The following CLYBL variants were observed in gnomAD, a reference collection of about 807,000 sequenced individuals.
CLYBL encodes citramalyl-CoA lyase.
CLYBL carries 31 observed loss-of-function variants against 38.9 expected under a neutral mutation model. That is an observed-to-expected ratio of 0.80 (90% CI 0.60 to 1.08). The LOEUF (loss-of-function observed/expected upper bound fraction) is 1.08. Ranked by LOEUF, CLYBL falls within the 50% of genes least tolerant of loss-of-function variation. The pLI is 0.00. For missense variants in CLYBL, 434 were observed against 411.6 expected, an observed-to-expected ratio of 1.05 and a Z score of -0.47; for synonymous variants, 171 against 158.6, an observed-to-expected ratio of 1.08 and a Z score of -0.59.
intron 1 of CLYBL, among the ~76,000 whole-genome samples, chr13:99,751,553 C>G (rs983306348): frequency 1.3e-5 from 2 of 152,134 alleles, no homozygotes; most frequent in Admixed American, 1.3e-4. Context: ...GTGAAATAAA[C>G]CAGTCACAAA....
chr13:99,697,887 AT>A (rs1340140330), intron 1 of CLYBL, among the ~76,000 whole-genome samples: 6 of 152,046 alleles, frequency 3.9e-5, no homozygotes, highest in Admixed American at 3.9e-4. Context: ...ACCTCAAGTG[AT>A]TCATTTGTCT....
At position 99,862,008 on chromosome 13, in the gene CLYBL, T is replaced by C. The variant is rs539033268; in HGVS notation, c.439-983T>C. On this transcript the variant is annotated intron_variant, in intron 3 of 8. Transcript: ENST00000339105. Reference sequence around the variant, plus strand: ...TGATTACAGTACAAAGCTTATAGGGTCTTGAAACCCCCTTTGAAGATGAAA... The same window carrying C: ...TGATTACAGTACAAAGCTTATAGGGCCTTGAAACCCCCTTTGAAGATGAAA... Among the ~76,000 whole-genome samples, 12 of 152,226 alleles carry C rather than the reference T, an allele frequency of 7.9e-5. No homozygotes were observed. In the South Asian group the frequency reaches 2.5e-3, roughly 32 times the overall value.
chr13:99,663,250 CAG>C (rs1463904029), intron 1 of CLYBL, among the ~76,000 whole-genome samples: 5 of 152,312 alleles, frequency 3.3e-5, no homozygotes, highest in South Asian at 2.1e-4. Flanking sequence ...CTGGAGCAAA[CAG>C]GGCGCCGTTT....
chr13:99,811,537 G>A (rs942720495), intron 2 of CLYBL, among the ~76,000 whole-genome samples: 1 of 152,162 alleles, frequency 6.6e-6, no homozygotes. Flanking sequence ...ATGAGAAGGA[G>A]GAAGCTGAGA....
At chr13:99,890,974 A>G (rs1281421450) in intron 7 of CLYBL, among the ~76,000 whole-genome samples, 3 of 152,184 alleles carry the variant, frequency 2.0e-5, no homozygotes, top group African/African-American at 7.2e-5. Context: ...TCTTGCTTTT[A>G]AAGTTCTACA....
At chr13:99,671,756 G>T (rs1455490104) in intron 1 of CLYBL, among the ~76,000 whole-genome samples, 2 of 149,488 alleles carry the variant, frequency 1.3e-5, no homozygotes, top group African/African-American at 5.0e-5. Context: ...CTCCAGCTTG[G>T]GTGACACAGC....
intron 1 of CLYBL, among the ~76,000 whole-genome samples, chr13:99,650,745 GCT>G: frequency 6.6e-6 from 1 of 152,238 alleles, no homozygotes; most frequent in Admixed American, 6.5e-5. Context: ...AGCCATTGTG[GCT>G]CTTTTTTTCT....
chr13:99,699,324 G>A (rs2048026041), intron 1 of CLYBL, among the ~76,000 whole-genome samples: 1 of 152,130 alleles, frequency 6.6e-6, no homozygotes, highest in Non-Finnish European at 1.5e-5. Context: ...GGTGGAGGTT[G>A]TGGTAAGCTG....
intron 1 of CLYBL, among the ~76,000 whole-genome samples, chr13:99,723,448 T>C (rs1026661269): frequency 6.6e-6 from 1 of 152,252 alleles, no homozygotes; most frequent in African/African-American, 2.4e-5. Flanking sequence ...ACAAACAGTA[T>C]CTTCTTGGCA....
intron 1 of CLYBL, among the ~76,000 whole-genome samples, chr13:99,737,517 T>C (rs747210427): frequency 3.9e-5 from 6 of 152,232 alleles, no homozygotes; most frequent in Non-Finnish European, 7.3e-5. Context: ...TGCTCTTCAC[T>C]GTTAGGCTTT....
rs12873611 is a variant in CLYBL at position 99,606,724 on chromosome 13, C to A, written c.29C>A (p.Ala10Glu). The A allele has an allele frequency of 6.7e-7, 1 of 1,490,238 alleles. No individual in the cohort carries two copies. The highest frequency in any genetic ancestry group is 8.9e-7 in the Non-Finnish European group (1 of 1,126,328). The allele number at this position is 1,490,238 out of a possible 1,614,324, so 92.3% of individuals were successfully genotyped here. ...GCGCTACGTCTGCTGCGGAGGGCGG[C>A]GCGCGGAGCTGCGGCGGCGGCGCTG... is the stretch of plus-strand genomic sequence containing the variant. MALRLLRRAARGAAAAALLR... is the reference protein window; with the variant it reads MALRLLRRAERGAAAAALLR... Residue 10 changes from alanine to glutamate, a missense_variant, in exon 1 of 9, where the codon GCG (alanine) becomes GAG (glutamate). Ala to Glu is a moderately radical substitution (Grantham distance 107). Coordinates refer to ENST00000339105, the MANE Select transcript of CLYBL (RefSeq NM_206808.5).
At chr13:99,625,682 T>C (rs984565348) in intron 1 of CLYBL, among the ~76,000 whole-genome samples, 1 of 152,218 alleles carries the variant, frequency 6.6e-6, no homozygotes, top group African/African-American at 2.4e-5. Flanking sequence ...GAACAATTTT[T>C]TGTAACAGAA....
intron 1 of CLYBL, among the ~76,000 whole-genome samples, chr13:99,661,312 TCTTACTGTA>T (rs143133300): frequency 0.019 from 2,881 of 152,262 alleles, 72 homozygotes; most frequent in African/African-American, 0.065. Flanking sequence ...AACTTTTTAC[TCTTACTGTA>T]GTTACTCTAG....
At chr13:99,776,275 A>G (rs1400140929) in intron 2 of CLYBL, among the ~76,000 whole-genome samples, 2 of 151,706 alleles carry the variant, frequency 1.3e-5, no homozygotes, top group Non-Finnish European at 2.9e-5. Flanking sequence ...CAGGCGGATC[A>G]CTTGAGGCCA....
rs139814923 is a variant in CLYBL at position 99,853,526 on chromosome 13, A to C, written c.250-5335A>C. 5.7e-3 allele frequency among the ~76,000 whole-genome samples: 862 copies of C among 152,326 alleles called. 1 individual carries two copies. Among genetic ancestry groups the C allele is most frequent in the Non-Finnish European group, 8.7e-3 (590 of 68,022 alleles). The stretch of plus-strand genomic sequence containing the variant: ...TATTGTTATAGGTTTTCTTTTTTTC[A>C]AAAACAGGCAAACTAAGTTTTCTTT... On this transcript the variant is annotated intron_variant, in intron 2 of 8. Coordinates refer to ENST00000339105, the MANE Select transcript of CLYBL (RefSeq NM_206808.5).
intron 9 of CLYBL, among the ~76,000 whole-genome samples, chr13:99,906,483 G>A (rs2052699504): frequency 6.6e-6 from 1 of 151,732 alleles, no homozygotes; most frequent in Non-Finnish European, 1.5e-5. Flanking sequence ...TCACCCAGTG[G>A]CGCGATCTCG....
chr13:99,884,606 C>T (rs1248579337), intron 7 of CLYBL, among the ~76,000 whole-genome samples: 1 of 152,222 alleles, frequency 6.6e-6, no homozygotes, highest in African/African-American at 2.4e-5. Context: ...ATGTCCTTCC[C>T]GCCATTAGAC....
chr13:99,906,004 G>A (rs2052693990), intron 9 of CLYBL, among the ~76,000 whole-genome samples: 1 of 152,052 alleles, frequency 6.6e-6, no homozygotes, highest in Non-Finnish European at 1.5e-5. Flanking sequence ...GAACTCCTGG[G>A]CTCAAGTGAT....
downstream of CLYBL, chr13:99,894,741 G>GGGC (rs1555326645): frequency 7.5e-6 from 1 of 133,202 alleles, no homozygotes; most frequent in African/African-American, 2.9e-5. Flanking sequence ...TGAGGCGGGG[G>GGGC]GGGGGGGGGG....
Sources: gnomAD v4.1 joint callset for allele counts (sites outside exome capture counted in the v4.1 genomes callset) on GRCh38, gnomAD v4.1.1 for gene constraint, MANE v1.5 for transcripts, NCBI Gene and HGNC (gene_info 2026-07-23, HGNC 2026-07-21) for gene names.